ZCCHC7: variants seen among roughly 807,000 people sequenced by gnomAD.
The protein encoded by ZCCHC7 is zinc finger CCHC-type containing 7.
In ZCCHC7, 35 loss-of-function variants were observed where a neutral mutation model predicts 52.0. The observed-to-expected ratio is 0.67, with a 90% CI of 0.51 to 0.89. ZCCHC7 has a LOEUF of 0.89. Among genes scored for constraint, ZCCHC7 ranks in the 40% least tolerant of loss-of-function variants. ZCCHC7 has a pLI of 0.00. For missense variants in ZCCHC7, 574 were observed against 649.1 expected, an observed-to-expected ratio of 0.88 and a Z score of 1.26; for synonymous variants, 217 against 221.5, an observed-to-expected ratio of 0.98 and a Z score of 0.18.
At chr9:37,167,029 T>A (rs1368410780) in intron 2 of ZCCHC7, among the ~76,000 whole-genome samples, 3 of 152,184 alleles carry the variant, frequency 2.0e-5, no homozygotes, top group Admixed American at 2.0e-4. Context: ...TTTGGAAAAT[T>A]TCAAAAAATT....
chr9:37,305,393 T>G, intron 4 of ZCCHC7, 151 bp from the exon 5 acceptor site: 3 of 935,804 alleles, frequency 3.2e-6, no homozygotes, highest in East Asian at 2.6e-5. Context: ...GTTTTGGACA[T>G]TTTGTTTGAT....
chr9:37,155,291 G>T (rs1820759197), intron 2 of ZCCHC7, among the ~76,000 whole-genome samples: 1 of 151,958 alleles, frequency 6.6e-6, no homozygotes, highest in Non-Finnish European at 1.5e-5. Flanking sequence ...AACCCGGGAG[G>T]CAGAGGTTTC....
At chr9:37,300,454 A>G (rs550411155) in intron 2 of ZCCHC7, among the ~76,000 whole-genome samples, 1 of 152,372 alleles carries the variant, frequency 6.6e-6, no homozygotes, top group South Asian at 2.1e-4. Context: ...TATTTAATGT[A>G]TTCTTCACTC....
chr9:37,161,881 A>G (rs578251580), intron 2 of ZCCHC7, among the ~76,000 whole-genome samples: 3 of 152,312 alleles, frequency 2.0e-5, no homozygotes, highest in African/African-American at 4.8e-5. Context: ...ACAGGTGGAC[A>G]TTAAATCCAT....
intron 6 of ZCCHC7, among the ~76,000 whole-genome samples, chr9:37,337,084 T>C (rs1830704381): frequency 6.6e-6 from 1 of 152,170 alleles, no homozygotes; most frequent in African/African-American, 2.4e-5. Flanking sequence ...ATTAATGAAC[T>C]TTCTGATGGG....
intron 5 of ZCCHC7, among the ~76,000 whole-genome samples, chr9:37,310,991 A>G (rs1406674480): frequency 1.3e-5 from 2 of 151,154 alleles, no homozygotes; most frequent in African/African-American, 2.4e-5. Flanking sequence ...TCAATATATT[A>G]TAAAACACAT....
rs1828564612 is a variant in ZCCHC7 at position 37,292,055 on chromosome 9, C to T, written c.611-10133C>T. ...AAAATCTGATATGAGTATTTTTAAACAGATGTAATCTAGGTTCATGCATGA... is the reference window on the plus strand; with the variant it reads ...AAAATCTGATATGAGTATTTTTAAATAGATGTAATCTAGGTTCATGCATGA... On this transcript the variant is annotated intron_variant, in intron 2 of 8. Coordinates refer to ENST00000336755, the MANE Select transcript of ZCCHC7 (RefSeq NM_032226.3). 3.9e-5 allele frequency among the ~76,000 whole-genome samples: 6 copies of T among 152,298 alleles called. 1 individual carries two copies. In the South Asian group the frequency reaches 1.2e-3, roughly 32 times the overall value.
At chr9:37,343,632 G>C (rs1454695485) in intron 6 of ZCCHC7, among the ~76,000 whole-genome samples, 2 of 152,058 alleles carry the variant, frequency 1.3e-5, no homozygotes, top group Non-Finnish European at 2.9e-5. Context: ...TTTTTCTCAG[G>C]CACTCAATTA....
chr9:37,139,168 G>A (rs1051796833), intron 2 of ZCCHC7, among the ~76,000 whole-genome samples: 5 of 151,890 alleles, frequency 3.3e-5, no homozygotes, highest in African/African-American at 1.2e-4. Context: ...GGACTTCATG[G>A]AAGTTTTCAG....
At chr9:37,158,679 GAT>G (rs930245115) in intron 2 of ZCCHC7, among the ~76,000 whole-genome samples, 7 of 151,674 alleles carry the variant, frequency 4.6e-5, no homozygotes, top group African/African-American at 9.7e-5. Flanking sequence ...TTTTAACAAA[GAT>G]ATGTGTATTA....
At chr9:37,173,744 T>A (rs945629879) in intron 2 of ZCCHC7, among the ~76,000 whole-genome samples, 3 of 152,240 alleles carry the variant, frequency 2.0e-5, no homozygotes, top group Non-Finnish European at 2.9e-5. Context: ...GCAACTGGCC[T>A]GAATCTACTA....
intron 2 of ZCCHC7, among the ~76,000 whole-genome samples, chr9:37,253,325 T>C (rs1290305037): frequency 6.6e-6 from 1 of 152,030 alleles, no homozygotes; most frequent in Non-Finnish European, 1.5e-5. Flanking sequence ...GTATCACTTA[T>C]GGTGAGGTTG....
chr9:37,254,574 GCTAATATGTGTTTATTACTTA>G (rs2133411644), intron 2 of ZCCHC7, among the ~76,000 whole-genome samples: 1 of 151,990 alleles, frequency 6.6e-6, no homozygotes, highest in Admixed American at 6.6e-5. Flanking sequence ...GTTTAAGCCC[GCTAATATGTGTTTATTACTTA>G]CCTATAAAAA....
intron 2 of ZCCHC7, among the ~76,000 whole-genome samples, chr9:37,166,173 G>A (rs1821408042): frequency 6.6e-6 from 1 of 151,934 alleles, no homozygotes; most frequent in Admixed American, 6.6e-5. Flanking sequence ...GAGGTGGGCG[G>A]ATCACGAGGT....
chr9:37,234,694 G>A (rs1387495868), intron 2 of ZCCHC7, among the ~76,000 whole-genome samples: 1 of 152,192 alleles, frequency 6.6e-6, no homozygotes, highest in Non-Finnish European at 1.5e-5. Flanking sequence ...ATCTAATAGA[G>A]AATCCTATGT....
At chr9:37,158,588 AATTTTGT>A (rs1330628498) in intron 2 of ZCCHC7, among the ~76,000 whole-genome samples, 1 of 152,146 alleles carries the variant, frequency 6.6e-6, no homozygotes, top group Non-Finnish European at 1.5e-5. Context: ...TTTTATCTTG[AATTTTGT>A]ATTACTGAAG....
chr9:37,236,083 G>T (rs1410568577), intron 2 of ZCCHC7, among the ~76,000 whole-genome samples: 3 of 152,210 alleles, frequency 2.0e-5, no homozygotes, highest in Admixed American at 2.0e-4. Context: ...GGGATTGCTG[G>T]ATCATATGGT....
At chr9:37,168,093 T>C (rs1216573216) in intron 2 of ZCCHC7, among the ~76,000 whole-genome samples, 1 of 152,214 alleles carries the variant, frequency 6.6e-6, no homozygotes, top group African/African-American at 2.4e-5. Flanking sequence ...CCCTTTCTGC[T>C]AAACTCCAGG....
intron 2 of ZCCHC7, among the ~76,000 whole-genome samples, chr9:37,291,214 G>T (rs566073187): frequency 6.6e-6 from 1 of 152,302 alleles, no homozygotes; most frequent in Non-Finnish European, 1.5e-5. Flanking sequence ...GAAGATGAAT[G>T]CAAAGAAACA....
Sources: allele counts gnomAD v4.1 joint callset (sites outside exome capture counted in the v4.1 genomes callset), GRCh38; gene constraint gnomAD v4.1.1; transcripts MANE v1.5; gene names NCBI Gene and HGNC (gene_info 2026-07-23, HGNC 2026-07-21).